PTHLH: variants seen among roughly 807,000 people sequenced by gnomAD.
PTHLH encodes parathyroid hormone like hormone, also known as parathyroid hormone-related protein.
PTHLH carries 5 observed loss-of-function variants against 18.6 expected under a neutral mutation model. That is an observed-to-expected ratio of 0.27 (90% confidence interval 0.14 to 0.56). The LOEUF (loss-of-function observed/expected upper bound fraction) is 0.56. PTHLH is among the 20% of genes least tolerant of loss of function. The pLI, the probability that PTHLH is intolerant of heterozygous loss-of-function variation, is 0.92. For synonymous variants in PTHLH, 90 were observed against 94.0 expected (o/e 0.96, Z 0.25); for missense variants, 207 against 223.9 (o/e 0.92, Z 0.48).
At chr12:27,971,488 T>A (rs1202216957) in intron 2 of PTHLH, among the ~76,000 whole-genome samples, 1 of 151,968 alleles carries the variant, frequency 6.6e-6, no homozygotes, top group Non-Finnish European at 1.5e-5. Flanking sequence ...AGAAGGCTAG[T>A]GTGATTTAGA....
intron 1 of PTHLH, among the ~76,000 whole-genome samples, 177 bp downstream of exon 1, chr12:27,972,346 C>CA (rs2062877574): frequency 2.0e-5 from 3 of 152,128 alleles, no homozygotes; most frequent in Admixed American, 2.0e-4. Context: ...ATTAACCCCC[C>CA]ACTCCTTCCC....
rs200143763 is a variant in PTHLH at position 27,961,323 on chromosome 12, G to GTA, written c.524+2023_524+2024dup. Among the ~76,000 whole-genome samples, 719 of 90,882 alleles carry GTA rather than the reference G, an allele frequency of 7.9e-3. 6 individuals are homozygous for GTA. The highest frequency in any genetic ancestry group is 0.024 in the Admixed American group (161 of 6,648). The allele number at this position is 90,882 out of a possible 152,430, so 59.6% of individuals were successfully genotyped here. A position where few individuals can be genotyped will look rare whatever the true frequency, so the allele number is the denominator to read the frequency against. ...TACGTATATATATATATATATATAC[G>GTA]TATATATATACTTTTTGCCTCATAG... On this transcript the variant is annotated intron_variant, in intron 5 of 5. Coordinates refer to ENST00000545234, the MANE Select transcript of PTHLH (RefSeq NM_198965.2).
intron 1 of PTHLH, 75 bp from the exon 2 acceptor site, chr12:27,972,094 A>G (rs1407481707): frequency 1.3e-5 from 2 of 151,532 alleles, no homozygotes; most frequent in African/African-American, 4.9e-5. Context: ...GTTGTTTAAC[A>G]TTGAAATGAT....
At chr12:27,962,603 T>G in intron 5 of PTHLH, 8 of 985,502 alleles carry the variant, frequency 8.1e-6, no homozygotes, top group Non-Finnish European at 9.6e-6. Context: ...TGAAGTTTTA[T>G]TTTTCCTACG....
chr12:27,968,058 A>T (rs937745668), intron 4 of PTHLH, among the ~76,000 whole-genome samples: 3 of 152,218 alleles, frequency 2.0e-5, no homozygotes, highest in African/African-American at 7.2e-5. Context: ...TTATGTATGA[A>T]TTTCAAATTA....
intron 5 of PTHLH, among the ~76,000 whole-genome samples, chr12:27,960,453 T>A (rs775158397): frequency 6.6e-6 from 1 of 152,088 alleles, no homozygotes; most frequent in South Asian, 2.1e-4. Flanking sequence ...TTGGCCGGTG[T>A]GGTGGTTCAT....
Position 27,970,198 on chromosome 12 carries a change from G to T in PTHLH, c.-196C>A, listed in dbSNP as rs1374295481. ...CGCTTCACGGGCGGGGAGACATGCT[G>T]GCCGGGCGGCGCAGGTTGGAGGCGA... is the stretch of plus-strand genomic sequence containing the variant. On this transcript the variant is annotated 5_prime_UTR_variant, in exon 3 of 6. Transcript: ENST00000545234. 23 of 509,260 alleles carry T rather than the reference G, an allele frequency of 4.5e-5. No homozygotes were observed. In the East Asian group the frequency reaches 1.2e-3, roughly 27 times the overall value. 31.5% of individuals were successfully genotyped at this position (509,260 alleles called of 1,614,324 possible). A position where few individuals can be genotyped will look rare whatever the true frequency, so the allele number is the denominator to read the frequency against.
At chr12:27,963,033 AT>A (rs1298394678) in intron 5 of PTHLH, 5 of 1,245,244 alleles carry the variant, frequency 4.0e-6, no homozygotes, top group Non-Finnish European at 5.1e-6. Flanking sequence ...AATTATGAAG[AT>A]GGTCACTAGC....
chr12:27,963,712 A>C lies in PTHLH; in HGVS notation c.160T>G (p.Leu54Val). Residue 54 changes from leucine to valine, a missense_variant, in exon 5 of 6, where the codon TTA becomes GTA. By Grantham distance (32) the Leu-to-Val change is conservative. Coordinates refer to ENST00000545234, the MANE Select transcript of PTHLH (RefSeq NM_198965.2). ...TGGTGAAGGAAGAATCGTCGCCGTAAATCTTGGATGGACTTCCCCTTGTCA... is the reference window on the plus strand; with the variant it reads ...TGGTGAAGGAAGAATCGTCGCCGTACATCTTGGATGGACTTCCCCTTGTCA... ...LHDKGKSIQD[L>V]RRRFFLHHLI... The C allele has an allele frequency of 6.2e-7, 1 of 1,613,410 alleles. No homozygotes were observed. Among genetic ancestry groups the C allele is most frequent in the Non-Finnish European group, 8.5e-7 (1 of 1,179,818 alleles).
In PTHLH at chr12:27,969,161, T is replaced by C. The variant is rs1466139704; in HGVS notation, c.101+233A>G. On this transcript the variant is annotated intron_variant, in intron 4 of 5. Transcript: ENST00000545234. ...AGATTCTGTGAAACGCTCCCTCTTATGGAAACACACATAAAGTCTCTCTCT... is the reference window on the plus strand; with the variant it reads ...AGATTCTGTGAAACGCTCCCTCTTACGGAAACACACATAAAGTCTCTCTCT... 5 of 567,134 alleles carry C rather than the reference T, an allele frequency of 8.8e-6. No homozygotes were observed. The Admixed American group carries it at 1.2e-4, about 14-fold the overall frequency. 35.1% of individuals were successfully genotyped at this position (567,134 alleles called of 1,614,324 possible). A position where few individuals can be genotyped will look rare whatever the true frequency, so the allele number is the denominator to read the frequency against.
chr12:27,963,542 C>T lies in PTHLH; in HGVS notation c.330G>A (p.Lys110=), dbSNP rs771833243. The change falls in exon 5 of 6, where the codon AAG becomes AAA. Residue 110 remains lysine (K), a synonymous_variant. Coordinates refer to ENST00000545234, the MANE Select transcript of PTHLH (RefSeq NM_198965.2). ...EGRYLTQETN[K]VETYKEQPLK... ...GCGGCTGCTCTTTGTACGTCTCCACCTTGTTAGTTTCCTGAGTTAGGTATC... is the reference window on the plus strand; with the variant it reads ...GCGGCTGCTCTTTGTACGTCTCCACTTTGTTAGTTTCCTGAGTTAGGTATC... 9.9e-6 allele frequency: 16 copies of T among 1,614,078 alleles called. No individual in the cohort carries two copies. In the Middle Eastern group the frequency reaches 6.6e-4, roughly 66 times the overall value.
chr12:27,972,418 T>G (rs2062877935), intron 1 of PTHLH, 105 bp downstream of exon 1: 1 of 152,232 alleles, frequency 6.6e-6, no homozygotes, highest in South Asian at 2.1e-4. Context: ...CAAATATTTT[T>G]AGAATTTCCT....
Position 27,958,458 on chromosome 12 carries a change from C to A in PTHLH, c.*101G>T. 8.8e-7 allele frequency: 1 copy of A among 1,141,446 alleles called. No individual in the cohort carries two copies. The allele number at this position is 1,141,446 out of a possible 1,614,324, so 70.7% of individuals were successfully genotyped here. A position where few individuals can be genotyped will look rare whatever the true frequency, so the allele number is the denominator to read the frequency against. On this transcript the variant is annotated 3_prime_UTR_variant, in exon 6 of 6. Coordinates refer to ENST00000545234, the MANE Select transcript of PTHLH (RefSeq NM_198965.2). ...TGGGGGAGACAGTTTTATTCCAATGCATTTACAGTATTTACAGACAATAAA... is the reference window on the plus strand; with the variant it reads ...TGGGGGAGACAGTTTTATTCCAATGAATTTACAGTATTTACAGACAATAAA...
chr12:27,959,348 T>G (rs1243186464), intron 5 of PTHLH, among the ~76,000 whole-genome samples: 4 of 152,214 alleles, frequency 2.6e-5, no homozygotes, highest in African/African-American at 4.8e-5. Context: ...ATAAATTAAT[T>G]TAAAAGTATA....
At chr12:27,961,301 G>GTATATATATACGTATA (rs1565520098) in intron 5 of PTHLH, among the ~76,000 whole-genome samples, 1 of 84,570 alleles carries the variant, frequency 1.2e-5, no homozygotes, top group African/African-American at 4.2e-5. Flanking sequence ...ATATATATAC[G>GTATATATATACGTATA]TATATATATA....
intron 2 of PTHLH, chr12:27,970,483 C>A (rs1277635146): frequency 1.3e-5 from 2 of 151,454 alleles, no homozygotes; most frequent in African/African-American, 4.8e-5. Context: ...GCTGCCGACC[C>A]CGGAGCTGTC....
intron 5 of PTHLH, among the ~76,000 whole-genome samples, chr12:27,961,323 G>GTGTATATATATATATATATACGTA (rs2062758008): frequency 6.5e-5 from 6 of 91,934 alleles, no homozygotes; most frequent in African/African-American, 2.4e-4. Flanking sequence ...ATATATATAC[G>GTGTATATATATATATATATACGTA]TATATATATA....
intron 5 of PTHLH, chr12:27,962,052 G>A (rs2062766491): frequency 3.2e-6 from 2 of 621,480 alleles, no homozygotes; most frequent in African/African-American, 3.7e-5. Context: ...CGATAAAGAA[G>A]CAGGGCAAAC....
chr12:27,961,287 GTATATATATATACGTA>G (rs201697524), intron 5 of PTHLH, among the ~76,000 whole-genome samples: 2 of 34,188 alleles, frequency 5.9e-5, no homozygotes, highest in Admixed American at 5.7e-4. Context: ...ATATATATAC[GTATATATATATACGTA>G]TATATATATA....
Sources: gnomAD v4.1 joint callset for allele counts (sites outside exome capture counted in the v4.1 genomes callset) on GRCh38, gnomAD v4.1.1 for gene constraint, MANE v1.5 for transcripts, NCBI Gene and HGNC (gene_info 2026-07-23, HGNC 2026-07-21) for gene names.